CASP4: variants seen among roughly 807,000 people sequenced by gnomAD.
CASP4 encodes the protein caspase 4, also known as caspase-4.
Under a neutral mutation model 41.3 loss-of-function variants are expected in CASP4, and 29 were observed. That is an observed-to-expected ratio of 0.70 (90% CI 0.52 to 0.96). The LOEUF is 0.96. CASP4 is among the 40% of genes least tolerant of loss of function. The probability of loss-of-function intolerance (pLI) is 0.00; values close to 1 mark genes in which losing one functional copy is unlikely to be tolerated. For missense variants in CASP4, 447 were observed against 460.6 expected (o/e 0.97, Z 0.27); for synonymous variants, 185 against 158.4 (o/e 1.17, Z -1.26).
At chr11:104,956,646 G>A (rs1183436480) in intron 1 of CASP4, 1 of 984,992 alleles carries the variant, frequency 1.0e-6, no homozygotes, top group Non-Finnish European at 1.2e-6. Context: ...AGATATTTAA[G>A]GGGCTCAGAA....
intron 1 of CASP4, 111 bp from the exon 2 acceptor site, chr11:104,955,112 C>CA (rs1860708546): frequency 9.5e-7 from 1 of 1,054,418 alleles, no homozygotes; most frequent in Non-Finnish European, 1.4e-6. Flanking sequence ...TGTCCTACTT[C>CA]ACCATCTGTC....
In CASP4 at chr11:104,950,925, C is replaced by T; in HGVS notation, c.546G>A (p.Arg182=). 3 of 1,609,154 alleles carry T rather than the reference C, an allele frequency of 1.9e-6. No individual in the cohort carries two copies. Among genetic ancestry groups the T allele is most frequent in the Non-Finnish European group, 2.5e-6 (3 of 1,177,546 alleles). The change falls in exon 4 of 9, where the codon AGG becomes AGA. Residue 182 remains arginine (R), a splice_region_variant and synonymous_variant. Transcript: ENST00000444739. Reference sequence around the variant, plus strand: ...TTTGTGGCGGCTGAGGGATTCTTACCCTGGCTGTCAGATTCTCTTCTACAT... The same window carrying T: ...TTTGTGGCGGCTGAGGGATTCTTACTCTGGCTGTCAGATTCTCTTCTACAT... ...SVDVEENLTA[R]DMESALRAFA...
At chr11:104,956,777 A>ACTAATCTGTGTACT in intron 1 of CASP4, 3 of 237,420 alleles carry the variant, frequency 1.3e-5, no homozygotes, top group African/African-American at 2.3e-5. Flanking sequence ...AACAGTACAC[A>ACTAATCTGTGTACT]GATTAGTGTG....
chr11:104,955,706 T>C (rs554502324), intron 1 of CASP4, among the ~76,000 whole-genome samples: 11 of 152,250 alleles, frequency 7.2e-5, no homozygotes, highest in African/African-American at 2.6e-4. Context: ...ACCATGTTAA[T>C]GTATTACTCC....
At chr11:104,964,081 T>C (rs1371398337) in intron 1 of CASP4, among the ~76,000 whole-genome samples, 2 of 152,214 alleles carry the variant, frequency 1.3e-5, no homozygotes, top group African/African-American at 2.4e-5. Context: ...ATAATTGTTA[T>C]ACAAAATTGT....
chr11:104,944,874 G>C, intron 7 of CASP4, 23 bp from the exon 8 acceptor site: 1 of 1,428,614 alleles, frequency 7.0e-7, no homozygotes, highest in Non-Finnish European at 9.9e-7. Context: ...ATAGGCTGTA[G>C]ATGAGATACG....
At position 104,950,908 on chromosome 11, in the gene CASP4, G is replaced by A. The variant is rs56143404; in HGVS notation, c.546+17C>T. The stretch of plus-strand genomic sequence containing the variant: ...TCTTGAATATGTATGTGTTTGTGGC[G>A]GCTGAGGGATTCTTACCCTGGCTGT... On this transcript the variant is annotated intron_variant, in intron 4 of 8. Coordinates refer to ENST00000444739, the MANE Select transcript of CASP4 (RefSeq NM_001225.4). The A allele has an allele frequency of 1.3e-3, 2,099 of 1,606,730 alleles. 19 individuals carry two copies. The African/African-American group carries it at 0.019, about 14-fold the overall frequency.
rs1591123148 is a variant in CASP4, at chr11:104,943,520, T to C, written c.*6-547A>G. ...ATCTATAGGAGTACAGCATCCATCA[T>C]TCTGTGTTTTCCTTTGTCTTCCTTT... On this transcript the variant is annotated intron_variant, in intron 8 of 8. Transcript: ENST00000444739. 3.9e-5 allele frequency: 6 copies of C among 152,634 alleles called. No homozygotes were observed. The South Asian group carries it at 1.2e-3, about 32-fold the overall frequency. 9.5% of individuals were successfully genotyped at this position (152,634 alleles called of 1,614,324 possible).
chr11:104,963,354 C>T (rs1860904300), intron 1 of CASP4, among the ~76,000 whole-genome samples: 1 of 152,254 alleles, frequency 6.6e-6, no homozygotes, highest in African/African-American at 2.4e-5. Flanking sequence ...GCACCACAGA[C>T]CCCATTTTGG....
chr11:104,956,644 A>T, intron 1 of CASP4: 1 of 985,080 alleles, frequency 1.0e-6, no homozygotes, highest in Non-Finnish European at 1.2e-6. Context: ...CAAGATATTT[A>T]AGGGGCTCAG....
Position 104,944,762 on chromosome 11 carries a change from A to C in CASP4, c.1125T>G (p.Pro375=), listed in dbSNP as rs1459756067. The C allele has an allele frequency of 6.2e-7, 1 of 1,605,922 alleles. No individual in the cohort carries two copies. Among genetic ancestry groups the C allele is most frequent in the African/African-American group, 1.3e-5 (1 of 74,726 alleles). ...LSMTRYFYLF[P]GN ...CAATACTTAACCATTTTCAATTGCC[A>C]GGAAAGAGGTAGAAATATCTTGTCA... The change falls in exon 8 of 9, where the codon CCT becomes CCG. Residue 375 remains proline, a synonymous_variant. Transcript: ENST00000444739.
rs1196844015 is a variant in CASP4 at position 104,951,896 on chromosome 11, C to A, written c.372G>T (p.Glu124Asp). ...FLRLCKERAEEIYPIKERNNR... is the reference protein window; with the variant it reads ...FLRLCKERAEDIYPIKERNNR... Reference sequence around the variant, plus strand: ...CTATTTCATATAGATAGCATAGCACCTCTTCAGCTCTTTCTTTACATAGTC... The same window carrying A: ...CTATTTCATATAGATAGCATAGCACATCTTCAGCTCTTTCTTTACATAGTC... The change falls in exon 3 of 9, where the codon GAG becomes GAT. Residue 124 changes from glutamate to aspartate, a missense_variant and splice_region_variant. Coordinates refer to ENST00000444739, the MANE Select transcript of CASP4 (RefSeq NM_001225.4). 6.3e-7 allele frequency: 1 copy of A among 1,587,918 alleles called. No individual in the cohort carries two copies. Among genetic ancestry groups the A allele is most frequent in the Non-Finnish European group, 8.6e-7 (1 of 1,157,114 alleles).
At chr11:104,958,957 T>G in intron 1 of CASP4, among the ~76,000 whole-genome samples, 1 of 70,642 alleles carries the variant, frequency 1.4e-5, no homozygotes, top group Non-Finnish European at 2.5e-5. Context: ...TGAGACTCTG[T>G]CTCAAAAAAA....
rs1425691524 is a variant in CASP4, at chr11:104,948,612, T to G, written c.846A>C (p.Ser282=). ...CAGCATCTTCCTCTAGGTTCTCAGA[T>G]GACTGTGAAGAGGCCACTTCCAAGG... ...PASLEVASSQ[S]SENLEEDAVY... is the part of the protein sequence containing the mutation. The change falls in exon 6 of 9, where the codon TCA becomes TCC. Residue 282 remains serine, a synonymous_variant. Transcript: ENST00000444739. The G allele has an allele frequency of 1.2e-6, 2 of 1,611,540 alleles. No homozygotes were observed. Among genetic ancestry groups the G allele is most frequent in the South Asian group, 2.2e-5 (2 of 90,552 alleles).
chr11:104,954,880 C>A lies in CASP4; in HGVS notation c.129G>T (p.Lys43Asn), dbSNP rs1407517111. ...NVLNWKEEEK[K>N]KYYDAKTEDK... ...CTTCAGTTTTAGCATCGTAATATTT[C>A]TTTTTTTCCTCTTCCTTCCAGTTCA... The change falls in exon 2 of 9, where the codon AAG becomes AAT. Residue 43 changes from lysine to asparagine, a missense_variant. Physicochemically the swap from Lys to Asn is moderately conservative, Grantham distance 94. Coordinates refer to ENST00000444739, the MANE Select transcript of CASP4 (RefSeq NM_001225.4). 6.2e-6 allele frequency: 10 copies of A among 1,613,670 alleles called. No homozygotes were observed. Among genetic ancestry groups the A allele is most frequent in the Middle Eastern group, 1.6e-4 (1 of 6,078 alleles).
Position 104,954,845 on chromosome 11 carries a change from C to T in CASP4, c.164G>A (p.Arg55Gln), listed in dbSNP as rs759840645. 174 of 1,613,664 alleles carry T rather than the reference C, an allele frequency of 1.1e-4. No individual in the cohort carries two copies. The Admixed American group carries it at 2.3e-3, about 21-fold the overall frequency. The change falls in exon 2 of 9, where the codon CGG becomes CAG. Residue 55 changes from arginine (R) to glutamine (Q), a missense_variant. Coordinates refer to ENST00000444739, the MANE Select transcript of CASP4 (RefSeq NM_001225.4). Reference sequence around the variant, plus strand: ...CTCTTGCATAGAGTCTGCCATGACCCGAACTTTGTCTTCAGTTTTAGCATC... The same window carrying T: ...CTCTTGCATAGAGTCTGCCATGACCTGAACTTTGTCTTCAGTTTTAGCATC... ...YYDAKTEDKV[R>Q]VMADSMQEKQ... is the part of the protein sequence containing the mutation.
chr11:104,958,048 C>G (rs1257365097), intron 1 of CASP4, among the ~76,000 whole-genome samples: 1 of 152,072 alleles, frequency 6.6e-6, no homozygotes, highest in Non-Finnish European at 1.5e-5. Context: ...TGGGAAAGAA[C>G]AAATTCTTCA....
intron 1 of CASP4, among the ~76,000 whole-genome samples, chr11:104,965,184 G>T (rs1860945234): frequency 6.6e-6 from 1 of 152,162 alleles, no homozygotes; most frequent in South Asian, 2.1e-4. Context: ...TTAAAATTGA[G>T]AATTGTACTC....
At chr11:104,946,612 T>G (rs1055092561) in intron 7 of CASP4, 1 of 152,216 alleles carries the variant, frequency 6.6e-6, no homozygotes, top group African/African-American at 2.4e-5. Flanking sequence ...CACATGTCTT[T>G]ATGGATCCTA....
Sources: allele counts gnomAD v4.1 joint callset (sites outside exome capture counted in the v4.1 genomes callset), GRCh38; gene constraint gnomAD v4.1.1; transcripts MANE v1.5; gene names NCBI Gene and HGNC (gene_info 2026-07-23, HGNC 2026-07-21).